The following CNTNAP2 variants were observed in gnomAD, a reference collection of about 807,000 sequenced individuals.
CNTNAP2 encodes the protein contactin associated protein 2.
Under a neutral mutation model 155.2 loss-of-function variants are expected in CNTNAP2, and 98 were observed. The observed-to-expected ratio is 0.63, with a 90% CI of 0.54 to 0.75. The LOEUF is 0.75. Ranked by LOEUF, CNTNAP2 falls within the 30% of genes least tolerant of loss-of-function variation. The pLI, the probability that CNTNAP2 is intolerant of heterozygous loss-of-function variation, is 0.00. For synonymous variants in CNTNAP2, 651 were observed against 631.2 expected (o/e 1.03, Z -0.47); for missense variants, 1,727 against 1,688.1 (o/e 1.02, Z -0.40).
intron 8 of CNTNAP2, among the ~76,000 whole-genome samples, chr7:147,161,091 A>G (rs1037981655): frequency 2.6e-5 from 4 of 152,158 alleles, no homozygotes; most frequent in Admixed American, 2.6e-4. Flanking sequence ...GGGGTGGGTA[A>G]GCAAGTAAAG....
At position 147,937,392 on chromosome 7, in the gene CNTNAP2, T is replaced by C. The variant is rs551017303; in HGVS notation, c.2255+33671T>C. Among the ~76,000 whole-genome samples, 3 of 152,218 alleles carry C rather than the reference T, an allele frequency of 2.0e-5. No homozygotes were observed. The South Asian group carries it at 6.2e-4, about 32-fold the overall frequency. On this transcript the variant is annotated intron_variant, in intron 14 of 23. Coordinates refer to ENST00000361727, the MANE Select transcript of CNTNAP2 (RefSeq NM_014141.6). ...CAGTGGTTGCCCATGGTTTGCCCAATACTGGGCAATAGGCACTCAGATCCC... is the reference window on the plus strand; with the variant it reads ...CAGTGGTTGCCCATGGTTTGCCCAACACTGGGCAATAGGCACTCAGATCCC...
intron 14 of CNTNAP2, among the ~76,000 whole-genome samples, chr7:147,921,097 C>G (rs1800271285): frequency 6.6e-6 from 1 of 151,870 alleles, no homozygotes; most frequent in African/African-American, 2.4e-5. Flanking sequence ...GTGTGAGCCA[C>G]CACGCCCTGC....
rs138479539 is a variant in CNTNAP2 at position 146,763,752 on chromosome 7, C to T, written c.98-10519C>T. 4.9e-3 allele frequency among the ~76,000 whole-genome samples: 745 copies of T among 152,258 alleles called. 2 individuals are homozygous for T. The highest frequency in any genetic ancestry group is 0.016 in the African/African-American group (657 of 41,554). On this transcript the variant is annotated intron_variant, in intron 1 of 23. Transcript: ENST00000361727. ...CAGTCATTTCTTTACCTATAAATAT[C>T]TATTTCATAAAATGAAGATCATATT...
chr7:147,930,009 A>G lies in CNTNAP2; in HGVS notation c.2255+26288A>G, dbSNP rs1010867697. Among the ~76,000 whole-genome samples the G allele has an allele frequency of 2.6e-5, 4 of 152,128 alleles. No individual in the cohort carries two copies. The East Asian group carries it at 7.7e-4, about 29-fold the overall frequency. ...GACAAGAGGCGGAGCTCAGGCGGGA[A>G]TGCTCACTCGCCCGCCTCACCTCCT... On this transcript the variant is annotated intron_variant, in intron 14 of 23. Coordinates refer to ENST00000361727, the MANE Select transcript of CNTNAP2 (RefSeq NM_014141.6).
intron 1 of CNTNAP2, among the ~76,000 whole-genome samples, chr7:146,385,942 T>G (rs1353304159): frequency 2.0e-5 from 3 of 152,166 alleles, no homozygotes. Flanking sequence ...TATTGAATTT[T>G]TATTTTCATA....
Position 147,770,432 on chromosome 7 carries a change from G to T in CNTNAP2, c.2098+131126G>T, listed in dbSNP as rs143030382. Reference sequence around the variant, plus strand: ...TAAACAAGGATTTTTAGTTTCCAAAGAAACTAAAAAAGTCATTATAGAATT... The same window carrying T: ...TAAACAAGGATTTTTAGTTTCCAAATAAACTAAAAAAGTCATTATAGAATT... On this transcript the variant is annotated intron_variant, in intron 13 of 23. Coordinates refer to ENST00000361727, the MANE Select transcript of CNTNAP2 (RefSeq NM_014141.6). 2.2e-3 allele frequency among the ~76,000 whole-genome samples: 334 copies of T among 152,198 alleles called. 12 individuals carry two copies. In the East Asian group the frequency reaches 0.051, roughly 23 times the overall value.
chr7:147,095,460 T>G (rs1289659009), intron 4 of CNTNAP2, among the ~76,000 whole-genome samples: 1 of 151,788 alleles, frequency 6.6e-6, no homozygotes, highest in Non-Finnish European at 1.5e-5. Context: ...AACATAGGAA[T>G]TTTGGGAGGA....
At chr7:148,031,015 A>G (rs939026622) in intron 15 of CNTNAP2, among the ~76,000 whole-genome samples, 1 of 152,178 alleles carries the variant, frequency 6.6e-6, no homozygotes, top group African/African-American at 2.4e-5. Flanking sequence ...AGATTGAACT[A>G]GACTCCATTG....
At chr7:147,746,177 C>T (rs922036726) in intron 13 of CNTNAP2, among the ~76,000 whole-genome samples, 8 of 152,084 alleles carry the variant, frequency 5.3e-5, no homozygotes, top group African/African-American at 1.9e-4. Flanking sequence ...ATAGTAGTGA[C>T]AATGATTAAA....
chr7:146,722,695 G>A lies in CNTNAP2; in HGVS notation c.98-51576G>A, dbSNP rs192519203. ...GGGTTAGTGTTATGGACTGAATTGCGTCCACACACACACAAAATATATATA... is the reference window on the plus strand; with the variant it reads ...GGGTTAGTGTTATGGACTGAATTGCATCCACACACACACAAAATATATATA... On this transcript the variant is annotated intron_variant, in intron 1 of 23. Coordinates refer to ENST00000361727, the MANE Select transcript of CNTNAP2 (RefSeq NM_014141.6). 5.8e-3 allele frequency among the ~76,000 whole-genome samples: 871 copies of A among 149,068 alleles called. 7 individuals carry two copies. Among genetic ancestry groups the A allele is most frequent in the African/African-American group, 0.021 (818 of 39,126 alleles).
intron 13 of CNTNAP2, among the ~76,000 whole-genome samples, chr7:147,887,848 A>T (rs899653844): frequency 6.6e-6 from 1 of 152,244 alleles, no homozygotes; most frequent in Non-Finnish European, 1.5e-5. Flanking sequence ...AGTACAAAGA[A>T]GAAATTATCC....
At chr7:148,086,630 G>A (rs1436682329) in intron 15 of CNTNAP2, among the ~76,000 whole-genome samples, 1 of 152,054 alleles carries the variant, frequency 6.6e-6, no homozygotes, top group Non-Finnish European at 1.5e-5. Context: ...TTTCTTCTTA[G>A]TCTTTTCCTG....
At chr7:147,661,451 A>G (rs542202036) in intron 13 of CNTNAP2, among the ~76,000 whole-genome samples, 2 of 152,096 alleles carry the variant, frequency 1.3e-5, no homozygotes, top group Admixed American at 6.5e-5. Context: ...TAGTAGTGGT[A>G]TTTCAGTAGT....
Position 148,336,454 on chromosome 7 carries a change from G to A in CNTNAP2, c.3476-47195G>A, listed in dbSNP as rs1019472548. Among the ~76,000 whole-genome samples, 3 of 130,016 alleles carry A rather than the reference G, an allele frequency of 2.3e-5. No homozygotes were observed. In the East Asian group the frequency reaches 6.9e-4, roughly 30 times the overall value. 85.3% of individuals were successfully genotyped at this position (130,016 alleles called of 152,430 possible). A position where few individuals can be genotyped will look rare whatever the true frequency, so the allele number is the denominator to read the frequency against. On this transcript the variant is annotated intron_variant, in intron 21 of 23. Coordinates refer to ENST00000361727, the MANE Select transcript of CNTNAP2 (RefSeq NM_014141.6). ...GGTGATGGTCTTTTAAAAAAAAAAA[G>A]TTTCGGTTGCTTTTAAAAAGAGATT...
At chr7:146,281,216 TTTTC>T (rs1800246657) in intron 1 of CNTNAP2, among the ~76,000 whole-genome samples, 1 of 152,186 alleles carries the variant, frequency 6.6e-6, no homozygotes, top group African/African-American at 2.4e-5. Flanking sequence ...TGAACACAGT[TTTTC>T]TTCACACAGA....
chr7:147,275,909 A>G (rs1383604709), intron 8 of CNTNAP2, among the ~76,000 whole-genome samples: 2 of 151,832 alleles, frequency 1.3e-5, no homozygotes, highest in Non-Finnish European at 2.9e-5. Flanking sequence ...TTCTGCACCT[A>G]TTGAGTTGAT....
At chr7:147,256,268 T>G (rs374808407) in intron 8 of CNTNAP2, among the ~76,000 whole-genome samples, 1 of 152,060 alleles carries the variant, frequency 6.6e-6, no homozygotes, top group Non-Finnish European at 1.5e-5. Flanking sequence ...GAAAATGAGA[T>G]CTTTCGATTC....
At chr7:148,305,720 A>G (rs77797210) in intron 21 of CNTNAP2, among the ~76,000 whole-genome samples, 1,707 of 152,232 alleles carry the variant, frequency 0.011, 22 homozygotes, top group African/African-American at 0.038. Context: ...TTGAGAACCC[A>G]CTCACACTAT....
At chr7:146,209,080 CT>C (rs1798994979) in intron 1 of CNTNAP2, among the ~76,000 whole-genome samples, 1 of 152,086 alleles carries the variant, frequency 6.6e-6, no homozygotes. Flanking sequence ...ACCCCTAAAA[CT>C]TGAGCTCCTT....
Sources: gnomAD v4.1 joint callset for allele counts (sites outside exome capture counted in the v4.1 genomes callset) on GRCh38, gnomAD v4.1.1 for gene constraint, MANE v1.5 for transcripts, NCBI Gene and HGNC (gene_info 2026-07-23, HGNC 2026-07-21) for gene names.